AFG1L: variants seen among roughly 807,000 people sequenced by gnomAD.
AFG1L encodes AFG1 like ATPase, also known as AFG1-like ATPase.
In AFG1L, 53 loss-of-function variants were observed where a neutral mutation model predicts 62.2. The observed-to-expected ratio is 0.85, with a 90% confidence interval of 0.68 to 1.07. AFG1L has a LOEUF of 1.07. Among genes scored for constraint, AFG1L ranks in the 50% least tolerant of loss-of-function variants. The pLI is 0.00. For missense variants in AFG1L, 555 were observed against 590.5 expected (o/e 0.94, Z 0.62); for synonymous variants, 228 against 210.3 (o/e 1.08, Z -0.73).
At chr6:108,471,698 A>G (rs1772905001) in intron 8 of AFG1L, among the ~76,000 whole-genome samples, 1 of 151,856 alleles carries the variant, frequency 6.6e-6, no homozygotes, top group Non-Finnish European at 1.5e-5. Flanking sequence ...TGACCTCTTG[A>G]TCCGCCCGCC....
At chr6:108,353,884 C>T (rs1779171377) in intron 3 of AFG1L, among the ~76,000 whole-genome samples, 1 of 152,114 alleles carries the variant, frequency 6.6e-6, no homozygotes, top group Non-Finnish European at 1.5e-5. Flanking sequence ...ATTGTTTTTT[C>T]ATATACAAAA....
In AFG1L at chr6:108,310,075, G is replaced by T. The variant is rs541431092; in HGVS notation, c.140-13750G>T. Among the ~76,000 whole-genome samples, 3 of 152,282 alleles carry T rather than the reference G, an allele frequency of 2.0e-5. No individual in the cohort carries two copies. In the South Asian group the frequency reaches 6.2e-4, roughly 32 times the overall value. On this transcript the variant is annotated intron_variant, in intron 1 of 12. Transcript: ENST00000368977. ...TATTCAGAGATCGGTCCAGGTGGGT[G>T]ATGTATACTCAGCAGGTTTGTGTCA...
chr6:108,518,880 A>T (rs971659621), intron 11 of AFG1L, among the ~76,000 whole-genome samples: 2 of 152,248 alleles, frequency 1.3e-5, no homozygotes, highest in Non-Finnish European at 2.9e-5. Context: ...TGAACTTAGC[A>T]GTCTGCTGTG....
intron 1 of AFG1L, chr6:108,318,146 C>T: frequency 5.2e-6 from 1 of 193,004 alleles, no homozygotes; most frequent in Non-Finnish European, 1.1e-5. Context: ...GTACCAACTT[C>T]ATGCCAAGAT....
intron 2 of AFG1L, among the ~76,000 whole-genome samples, chr6:108,324,374 C>G (rs1777947621): frequency 6.6e-6 from 1 of 152,222 alleles, no homozygotes; most frequent in Non-Finnish European, 1.5e-5. Context: ...GTGATGTGTT[C>G]TTTCCCTTTT....
chr6:108,372,421 C>T (rs1448466814), intron 6 of AFG1L, among the ~76,000 whole-genome samples: 4 of 151,048 alleles, frequency 2.6e-5, no homozygotes, highest in Admixed American at 2.6e-4. Flanking sequence ...CCTCCGCCTC[C>T]TGGGTTCAAG....
At position 108,452,730 on chromosome 6, in the gene AFG1L, C is replaced by T. The variant is rs553013663; in HGVS notation, c.890+5434C>T. Among the ~76,000 whole-genome samples the T allele has an allele frequency of 7.9e-5, 12 of 152,294 alleles. 1 individual carries two copies. The highest frequency in any genetic ancestry group is 2.9e-4 in the African/African-American group (12 of 41,568). On this transcript the variant is annotated intron_variant, in intron 8 of 12. Coordinates refer to ENST00000368977, the MANE Select transcript of AFG1L (RefSeq NM_145315.5). Reference sequence around the variant, plus strand: ...GCCTTGGCACAGATAGCAGTATGAGCATTAGCATGTTGTGTCAGTTCCCTC... The same window carrying T: ...GCCTTGGCACAGATAGCAGTATGAGTATTAGCATGTTGTGTCAGTTCCCTC...
intron 12 of AFG1L, 149 bp downstream of exon 12, chr6:108,519,959 T>G (rs1228004667): frequency 2.0e-6 from 1 of 509,182 alleles, no homozygotes; most frequent in Non-Finnish European, 3.5e-6. Context: ...AAATTTATCA[T>G]TCTCAATATC....
chr6:108,477,585 CAT>C (rs1026248966), intron 10 of AFG1L, among the ~76,000 whole-genome samples: 6 of 151,982 alleles, frequency 3.9e-5, no homozygotes, highest in African/African-American at 1.2e-4. Flanking sequence ...AAAAGTCAAA[CAT>C]AAGAGATTTT....
intron 6 of AFG1L, chr6:108,372,946 A>G (rs1780076389): frequency 6.6e-6 from 1 of 152,348 alleles, no homozygotes; most frequent in Non-Finnish European, 1.5e-5. Flanking sequence ...GACTCAGCAT[A>G]TGCCATGCTC....
intron 10 of AFG1L, among the ~76,000 whole-genome samples, chr6:108,505,794 T>C (rs546955725): frequency 1.2e-4 from 18 of 152,084 alleles, no homozygotes; most frequent in Non-Finnish European, 2.1e-4. Flanking sequence ...AAATGAATCA[T>C]GGAGAAGTAA....
intron 8 of AFG1L, among the ~76,000 whole-genome samples, chr6:108,454,199 C>T (rs1432052044): frequency 6.6e-6 from 1 of 152,180 alleles, no homozygotes; most frequent in East Asian, 1.9e-4. Flanking sequence ...TTCTACTTCT[C>T]ACACTAGTTT....
At chr6:108,513,643 A>C (rs538283557) in intron 11 of AFG1L, among the ~76,000 whole-genome samples, 1 of 152,342 alleles carries the variant, frequency 6.6e-6, no homozygotes, top group African/African-American at 2.4e-5. Context: ...AGCCCACTGC[A>C]GCTCAAGGAG....
chr6:108,378,479 C>T (rs184012476), intron 6 of AFG1L, among the ~76,000 whole-genome samples: 1 of 152,132 alleles, frequency 6.6e-6, no homozygotes, highest in African/African-American at 2.4e-5. Flanking sequence ...CCACCACGCC[C>T]AGCTAATTTT....
At chr6:108,459,777 A>G (rs1310015286) in intron 8 of AFG1L, among the ~76,000 whole-genome samples, 1 of 152,226 alleles carries the variant, frequency 6.6e-6, no homozygotes, top group African/African-American at 2.4e-5. Flanking sequence ...ATGATCACAA[A>G]TTCTATAATA....
chr6:108,510,810 T>C (rs984548323), intron 11 of AFG1L, among the ~76,000 whole-genome samples: 1 of 152,190 alleles, frequency 6.6e-6, no homozygotes, highest in Non-Finnish European at 1.5e-5. Context: ...CCAGGTGTGA[T>C]GGCTCATGCC....
rs1312272545 is a variant in AFG1L at position 108,369,947 on chromosome 6, G to GCTATCTAT, written c.748+3650_748+3657dup. Among the ~76,000 whole-genome samples, 53 of 130,246 alleles carry GCTATCTAT rather than the reference G, an allele frequency of 4.1e-4. 1 individual carries two copies. In the East Asian group the frequency reaches 8.9e-3, roughly 22 times the overall value. 85.4% of individuals were successfully genotyped at this position (130,246 alleles called of 152,430 possible). ...GGCTGGCTGGCTGGCTGGCTGGCTG[G>GCTATCTAT]CTATCTATCTATCTATCTATCTATC... On this transcript the variant is annotated intron_variant, in intron 6 of 12. Coordinates refer to ENST00000368977, the MANE Select transcript of AFG1L (RefSeq NM_145315.5).
chr6:108,431,769 A>T (rs1183837326), intron 7 of AFG1L, among the ~76,000 whole-genome samples: 1 of 151,568 alleles, frequency 6.6e-6, no homozygotes, highest in Non-Finnish European at 1.5e-5. Context: ...TTTTTAGTAG[A>T]GACGGGGTTT....
chr6:108,440,073 A>G (rs894830685), intron 7 of AFG1L, among the ~76,000 whole-genome samples: 3 of 152,228 alleles, frequency 2.0e-5, no homozygotes, highest in African/African-American at 7.2e-5. Flanking sequence ...AGCTATAAAC[A>G]AACTTTTTTC....
Sources: allele counts gnomAD v4.1 joint callset (sites outside exome capture counted in the v4.1 genomes callset), GRCh38; gene constraint gnomAD v4.1.1; transcripts MANE v1.5; gene names NCBI Gene and HGNC (gene_info 2026-07-23, HGNC 2026-07-21).